The following ITPR1 variants were observed in gnomAD, a reference collection of about 807,000 sequenced individuals.
ITPR1 encodes inositol 1,4,5-trisphosphate receptor type 1, also known as inositol 1,4,5-trisphosphate-gated calcium channel ITPR1.
A neutral mutation model predicts 318.4 loss-of-function variants in ITPR1; 96 were observed. The observed-to-expected ratio is 0.30, with a 90% CI of 0.26 to 0.36. The LOEUF (loss-of-function observed/expected upper bound fraction) is 0.36, where lower values mean the gene tolerates loss of function less well. Among genes scored for constraint, ITPR1 ranks in the 10% least tolerant of loss-of-function variants. The probability of loss-of-function intolerance (pLI) is 1.00; values close to 1 mark genes in which losing one functional copy is unlikely to be tolerated. For missense variants in ITPR1, 2,440 were observed against 3,460.2 expected (o/e 0.71, Z 7.40); for synonymous variants, 1,312 against 1,289.9 (o/e 1.02, Z -0.37).
intron 4 of ITPR1, among the ~76,000 whole-genome samples, chr3:4,567,026 C>T (rs1575556695): frequency 6.6e-6 from 1 of 152,156 alleles, no homozygotes; most frequent in East Asian, 1.9e-4. Context: ...CTTGAATGAC[C>T]TCAAGAAAGA....
At chr3:4,589,289 C>T (rs1436309608) in intron 4 of ITPR1, among the ~76,000 whole-genome samples, 2 of 152,144 alleles carry the variant, frequency 1.3e-5, no homozygotes, top group Admixed American at 6.6e-5. Flanking sequence ...TCTGATATTT[C>T]ATTCTCTTAT....
intron 59 of ITPR1, chr3:4,816,167 A>G (rs1337315817): frequency 6.6e-6 from 1 of 152,188 alleles, no homozygotes; most frequent in African/African-American, 2.4e-5. Flanking sequence ...TATCTCATCT[A>G]CAGACCTTAT....
At chr3:4,514,638 C>G (rs9871469) in intron 2 of ITPR1, among the ~76,000 whole-genome samples, 9,758 of 152,188 alleles carry the variant, frequency 0.064, 860 homozygotes, top group African/African-American at 0.2. Flanking sequence ...GGAGCACATA[C>G]CTGCTCTTCT....
At chr3:4,763,278 G>T (rs1188800126) in intron 44 of ITPR1, among the ~76,000 whole-genome samples, 3 of 152,094 alleles carry the variant, frequency 2.0e-5, no homozygotes, top group African/African-American at 7.2e-5. Flanking sequence ...TGATGGGTGG[G>T]TTGACAGGTG....
In ITPR1 at chr3:4,787,666, C is replaced by G. The variant is rs749634767; in HGVS notation, c.6616-281C>G. 3.3e-5 allele frequency among the ~76,000 whole-genome samples: 5 copies of G among 152,194 alleles called. No homozygotes were observed. The South Asian group carries it at 1.0e-3, about 32-fold the overall frequency. ...TGAGCCAAGATCGCACCACTGCACTCTGTCCTGGGTGACAGAGCAAGACTC... is the reference window on the plus strand; with the variant it reads ...TGAGCCAAGATCGCACCACTGCACTGTGTCCTGGGTGACAGAGCAAGACTC... On this transcript the variant is annotated intron_variant, in intron 51 of 61. Coordinates refer to ENST00000649015, the MANE Select transcript of ITPR1 (RefSeq NM_001378452.1).
chr3:4,688,740 C>A, intron 31 of ITPR1, 120 bp downstream of exon 31: 1 of 914,828 alleles, frequency 1.1e-6, no homozygotes, highest in Non-Finnish European at 1.6e-6. Context: ...AACATTCATT[C>A]CAAAGGGGAA....
At chr3:4,538,796 T>C (rs2084121130) in intron 4 of ITPR1, among the ~76,000 whole-genome samples, 1 of 152,156 alleles carries the variant, frequency 6.6e-6, no homozygotes, top group South Asian at 2.1e-4. Context: ...AAACATTGCA[T>C]GTTCTCACTT....
At chr3:4,807,640 AC>A (rs1185472134) in intron 55 of ITPR1, among the ~76,000 whole-genome samples, 1 of 152,164 alleles carries the variant, frequency 6.6e-6, no homozygotes, top group East Asian at 1.9e-4. Flanking sequence ...ATTAGCTCAT[AC>A]CATTAGGGGT....
chr3:4,770,617 T>C (rs1317049742), intron 46 of ITPR1, among the ~76,000 whole-genome samples: 2 of 152,178 alleles, frequency 1.3e-5, no homozygotes, highest in Non-Finnish European at 2.9e-5. Context: ...CATTTCAGCC[T>C]GTGGTGCTCC....
chr3:4,798,016 T>C (rs1274509150), intron 53 of ITPR1, among the ~76,000 whole-genome samples: 1 of 152,210 alleles, frequency 6.6e-6, no homozygotes, highest in African/African-American at 2.4e-5. Context: ...TCTAGCACTA[T>C]GTTTTTTAAC....
chr3:4,548,147 T>C (rs2085206791), intron 4 of ITPR1, among the ~76,000 whole-genome samples: 1 of 152,182 alleles, frequency 6.6e-6, no homozygotes, highest in African/African-American at 2.4e-5. Flanking sequence ...TTTATCTGAC[T>C]GTAAGTGGAA....
At chr3:4,839,389 C>CATT (rs1488315996) in intron 61 of ITPR1, among the ~76,000 whole-genome samples, 1 of 152,050 alleles carries the variant, frequency 6.6e-6, no homozygotes. Context: ...CATCTCACCT[C>CATT]ATTCCCTTAT....
intron 52 of ITPR1, among the ~76,000 whole-genome samples, chr3:4,793,654 C>T (rs1378895623): frequency 2.0e-5 from 3 of 152,156 alleles, no homozygotes; most frequent in South Asian, 2.1e-4. Context: ...CCTGGCTGGC[C>T]CCCCATTCAA....
At position 4,846,287 on chromosome 3, in the gene ITPR1, A is replaced by C; in HGVS notation, c.*62A>C. 9.1e-7 allele frequency: 1 copy of C among 1,100,776 alleles called. No individual in the cohort carries two copies. Among genetic ancestry groups the C allele is most frequent in the Admixed American group, 2.1e-5 (1 of 48,154 alleles). The allele number at this position is 1,100,776 out of a possible 1,614,324, so 68.2% of individuals were successfully genotyped here. ...ATTATTATTAGTGTGGGTATGGCTA[A>C]TGAGTTCTGATTCACCCACGAAGGT... On this transcript the variant is annotated 3_prime_UTR_variant, in exon 62 of 62. Transcript: ENST00000649015.
chr3:4,629,664 C>T (rs2092952509), intron 5 of ITPR1, among the ~76,000 whole-genome samples: 1 of 152,110 alleles, frequency 6.6e-6, no homozygotes, highest in African/African-American at 2.4e-5. Context: ...CAGTCTTAAC[C>T]CTGTGGGAGC....
At chr3:4,556,951 G>T (rs13096859) in intron 4 of ITPR1, among the ~76,000 whole-genome samples, 3 of 152,088 alleles carry the variant, frequency 2.0e-5, no homozygotes, top group African/African-American at 7.2e-5. Context: ...TGAATGTTTC[G>T]TATGCAGTCT....
chr3:4,689,354 A>G (rs2094445692), intron 31 of ITPR1, among the ~76,000 whole-genome samples: 1 of 152,224 alleles, frequency 6.6e-6, no homozygotes, highest in African/African-American at 2.4e-5. Context: ...ACTTTCCAGA[A>G]AAAGGATTGC....
intron 5 of ITPR1, among the ~76,000 whole-genome samples, chr3:4,635,260 T>C (rs1339173945): frequency 6.6e-6 from 1 of 152,256 alleles, no homozygotes; most frequent in Non-Finnish European, 1.5e-5. Flanking sequence ...CAATGTTATG[T>C]TGAGTGAAAA....
intron 44 of ITPR1, chr3:4,751,292 TA>T (rs928194762): frequency 4.2e-4 from 62 of 147,334 alleles, no homozygotes; most frequent in South Asian, 1.1e-3. Flanking sequence ...TGCATTTAAT[TA>T]AAAAAAAAAA....
Sources: allele counts gnomAD v4.1 joint callset (sites outside exome capture counted in the v4.1 genomes callset), GRCh38; gene constraint gnomAD v4.1.1; transcripts MANE v1.5; gene names NCBI Gene and HGNC (gene_info 2026-07-23, HGNC 2026-07-21).